PAPSS2: variants seen among roughly 807,000 people sequenced by gnomAD.
PAPSS2 encodes 3'-phosphoadenosine 5'-phosphosulfate synthase 2, also known as bifunctional 3'-phosphoadenosine 5'-phosphosulfate synthase 2.
A neutral mutation model predicts 66.5 loss-of-function variants in PAPSS2; 61 were observed. That is an observed-to-expected ratio of 0.92 (90% CI 0.75 to 1.14). PAPSS2 has a LOEUF of 1.14. Among genes scored for constraint, PAPSS2 ranks in the 50% most tolerant of loss-of-function variants. The pLI is 0.00. For missense variants in PAPSS2, 708 were observed against 789.6 expected (o/e 0.90, Z 1.24); for synonymous variants, 289 against 287.5 (o/e 1.01, Z -0.05).
intron 1 of PAPSS2, among the ~76,000 whole-genome samples, chr10:87,703,476 T>G (rs1419218319): frequency 1.3e-5 from 2 of 152,188 alleles, no homozygotes; most frequent in Non-Finnish European, 2.9e-5. Context: ...AAATGCCACC[T>G]GGACTGATCA....
chr10:87,676,046 C>T (rs200878749), intron 1 of PAPSS2, among the ~76,000 whole-genome samples: 1 of 80,272 alleles, frequency 1.2e-5, no homozygotes, highest in Non-Finnish European at 2.8e-5. Flanking sequence ...CTACATTCCT[C>T]ATGGAATATT....
intron 8 of PAPSS2, among the ~76,000 whole-genome samples, chr10:87,723,690 C>T (rs901058893): frequency 6.6e-6 from 1 of 151,948 alleles, no homozygotes; most frequent in Non-Finnish European, 1.5e-5. Context: ...TGTCTATTTC[C>T]GGTGACATTC....
intron 10 of PAPSS2, among the ~76,000 whole-genome samples, chr10:87,742,906 T>A (rs1031888865): frequency 3.9e-5 from 6 of 152,230 alleles, no homozygotes; most frequent in Admixed American, 3.3e-4. Flanking sequence ...TAGTGCTGGA[T>A]TAACACCTCT....
chr10:87,739,526 G>A (rs1247326072), intron 9 of PAPSS2, among the ~76,000 whole-genome samples: 1 of 152,112 alleles, frequency 6.6e-6, no homozygotes, highest in African/African-American at 2.4e-5. Flanking sequence ...TCTAATTTAG[G>A]TCTTCATTGG....
intron 1 of PAPSS2, among the ~76,000 whole-genome samples, chr10:87,682,601 GAA>G (rs371070583): frequency 7.4e-5 from 11 of 149,446 alleles, no homozygotes; most frequent in African/African-American, 2.7e-4. Flanking sequence ...AAAGAGGTTA[GAA>G]AAAAAAAATT....
intron 1 of PAPSS2, among the ~76,000 whole-genome samples, chr10:87,682,688 A>T (rs539553325): frequency 1.3e-5 from 2 of 152,342 alleles, no homozygotes; most frequent in Admixed American, 6.5e-5. Flanking sequence ...GATGCTGCTG[A>T]CAGTAGATAT....
rs1853945951 is a variant in PAPSS2, at chr10:87,746,727, T to A, written c.*757T>A. The A allele has an allele frequency of 6.6e-6, 1 of 152,244 alleles. No individual in the cohort carries two copies. The highest frequency in any genetic ancestry group is 1.5e-5 in the Non-Finnish European group (1 of 68,042). The allele number at this position is 152,244 out of a possible 1,614,324, so 9.4% of individuals were successfully genotyped here. A position where few individuals can be genotyped will look rare whatever the true frequency, so the allele number is the denominator to read the frequency against. ...GACGTCAAACAATGTGGCGATGTCG[T>A]GGAAAGTTATCTTTCCCGCTCTTTG... On this transcript the variant is annotated 3_prime_UTR_variant, in exon 13 of 13. Coordinates refer to ENST00000456849, the MANE Select transcript of PAPSS2 (RefSeq NM_001015880.2).
At chr10:87,699,058 T>C (rs1853269863) in intron 1 of PAPSS2, among the ~76,000 whole-genome samples, 1 of 152,230 alleles carries the variant, frequency 6.6e-6, no homozygotes, top group Non-Finnish European at 1.5e-5. Context: ...TGAATATTGT[T>C]AGGGCAGCTT....
At chr10:87,723,500 T>C (rs1388067204) in intron 8 of PAPSS2, among the ~76,000 whole-genome samples, 1 of 152,220 alleles carries the variant, frequency 6.6e-6, no homozygotes, top group African/African-American at 2.4e-5. Flanking sequence ...TTGAATTTAG[T>C]GTTCTCTGCA....
chr10:87,670,976 C>T (rs1486253455), intron 1 of PAPSS2, among the ~76,000 whole-genome samples: 2 of 152,108 alleles, frequency 1.3e-5, no homozygotes, highest in African/African-American at 4.8e-5. Context: ...CAGGGTTCCC[C>T]AAATAGAAGA....
intron 9 of PAPSS2, among the ~76,000 whole-genome samples, chr10:87,739,323 G>A (rs914068494): frequency 6.6e-6 from 1 of 152,138 alleles, no homozygotes; most frequent in Non-Finnish European, 1.5e-5. Context: ...TTAAAAATAG[G>A]GTTTTAGCTA....
Position 87,714,068 on chromosome 10 carries a change from C to A in PAPSS2, c.406C>A (p.His136Asn). The A allele has an allele frequency of 3.7e-6, 6 of 1,613,894 alleles. No homozygotes were observed. Among genetic ancestry groups the A allele is most frequent in the South Asian group, 1.1e-5 (1 of 91,080 alleles). Residue 136 changes from histidine (H) to asparagine (N), a missense_variant, in exon 4 of 13, where the codon CAT (histidine) becomes AAT (asparagine). Physicochemically the swap from His to Asn is moderately conservative, Grantham distance 68. Coordinates refer to ENST00000456849, the MANE Select transcript of PAPSS2 (RefSeq NM_001015880.2). The stretch of plus-strand genomic sequence containing the variant: ...GGATCGTGAGAATGCCCGCAAAATA[C>A]ATGAATCAGCAGGGCTGCCATTCTT... ...AKDRENARKI[H>N]ESAGLPFFEI...
Position 87,701,404 on chromosome 10 carries a change from TTC to T in PAPSS2, c.28-7764_28-7763del, listed in dbSNP as rs60115570. ...TCTTTCTTTCTTTCTTTCTCTTTCT[TTC>T]TCTCTCTCTCTCTCTCTCTCTCTCT... On this transcript the variant is annotated intron_variant, in intron 1 of 12. Coordinates refer to ENST00000456849, the MANE Select transcript of PAPSS2 (RefSeq NM_001015880.2). 5.8e-3 allele frequency among the ~76,000 whole-genome samples: 333 copies of T among 57,806 alleles called. 9 individuals are homozygous for T. Among genetic ancestry groups the T allele is most frequent in the African/African-American group, 0.016 (158 of 10,178 alleles). The allele number at this position is 57,806 out of a possible 152,430, so 37.9% of individuals were successfully genotyped here. A position where few individuals can be genotyped will look rare whatever the true frequency, so the allele number is the denominator to read the frequency against.
intron 1 of PAPSS2, among the ~76,000 whole-genome samples, chr10:87,686,182 T>G (rs1474029653): frequency 6.6e-6 from 1 of 151,238 alleles, no homozygotes; most frequent in Non-Finnish European, 1.5e-5. Context: ...TGTGTATGTA[T>G]GTACAGAGAT....
At chr10:87,745,728 T>C (rs1853929043) in intron 12 of PAPSS2, 104 bp from the exon 13 acceptor site, 2 of 1,184,800 alleles carry the variant, frequency 1.7e-6, no homozygotes, top group Non-Finnish European at 1.3e-6. Context: ...GATGCAGCAT[T>C]TTACAGAAAG....
At chr10:87,719,819 T>C (rs1179413278) in intron 7 of PAPSS2, among the ~76,000 whole-genome samples, 1 of 152,182 alleles carries the variant, frequency 6.6e-6, no homozygotes, top group Non-Finnish European at 1.5e-5. Context: ...TTCTGAGACC[T>C]AGTCCAGTAA....
chr10:87,705,608 C>T (rs1367007887), intron 1 of PAPSS2, among the ~76,000 whole-genome samples: 1 of 152,158 alleles, frequency 6.6e-6, no homozygotes, highest in Non-Finnish European at 1.5e-5. Context: ...TTTTAATTTG[C>T]ATTCTTCTGG....
chr10:87,681,901 A>T (rs1429646861), intron 1 of PAPSS2, among the ~76,000 whole-genome samples: 1 of 152,200 alleles, frequency 6.6e-6, no homozygotes, highest in Non-Finnish European at 1.5e-5. Flanking sequence ...GCTGAATACG[A>T]TTCCATTGTG....
chr10:87,741,105 T>A, intron 9 of PAPSS2, 130 bp from the exon 10 acceptor site: 1 of 931,908 alleles, frequency 1.1e-6, no homozygotes, highest in Non-Finnish European at 1.7e-6. Context: ...AGAAATACTG[T>A]GCCAGAAATA....
Sources: gnomAD v4.1 joint callset for allele counts (sites outside exome capture counted in the v4.1 genomes callset) on GRCh38, gnomAD v4.1.1 for gene constraint, MANE v1.5 for transcripts, NCBI Gene and HGNC (gene_info 2026-07-23, HGNC 2026-07-21) for gene names.